LRMDA: variants seen among roughly 807,000 people sequenced by gnomAD.
LRMDA encodes the protein leucine-rich melanocyte differentiation-associated protein.
LRMDA carries 18 observed loss-of-function variants against 29.8 expected under a neutral mutation model. The ratio of observed to expected loss-of-function variants is 0.60; its 90% CI spans 0.42 to 0.90. The LOEUF is 0.90. Ranked by LOEUF, LRMDA falls within the 40% of genes least tolerant of loss-of-function variation. The probability of loss-of-function intolerance (pLI) is 0.00; values close to 1 mark genes in which losing one functional copy is unlikely to be tolerated. For missense variants in LRMDA, 273 were observed against 273.9 expected (o/e 1.00, Z 0.02); for synonymous variants, 125 against 109.4 (o/e 1.14, Z -0.89).
chr10:75,576,031 C>T (rs1296178365), intron 2 of LRMDA, among the ~76,000 whole-genome samples: 1 of 151,954 alleles, frequency 6.6e-6, no homozygotes, highest in Non-Finnish European at 1.5e-5. Flanking sequence ...CATTCACTCC[C>T]CTGAAAAGTG....
intron 2 of LRMDA, among the ~76,000 whole-genome samples, chr10:75,923,252 A>G (rs543423703): frequency 6.6e-6 from 1 of 152,360 alleles, no homozygotes; most frequent in South Asian, 2.1e-4. Context: ...ATAACATTGA[A>G]GAGGGTATAG....
intron 6 of LRMDA, chr10:76,403,495 G>A (rs762869908): frequency 6.6e-6 from 1 of 152,022 alleles, no homozygotes; most frequent in Non-Finnish European, 1.5e-5. Flanking sequence ...CAGGGCCAGT[G>A]GTGCATGGCT....
At chr10:75,860,275 G>T (rs1385452683) in intron 2 of LRMDA, among the ~76,000 whole-genome samples, 1 of 142,432 alleles carries the variant, frequency 7.0e-6, no homozygotes, top group Admixed American at 7.1e-5. Flanking sequence ...CTCGATTCCT[G>T]TGTTCTTGGA....
intron 5 of LRMDA, among the ~76,000 whole-genome samples, chr10:76,221,966 G>A (rs201974121): frequency 0.2 from 29,641 of 149,000 alleles, 3,360 homozygotes; most frequent in East Asian, 0.56. Flanking sequence ...ATAACGCCAC[G>A]TATCTACAAC....
At chr10:75,440,285 T>C (rs1000557602) in intron 2 of LRMDA, among the ~76,000 whole-genome samples, 4 of 149,816 alleles carry the variant, frequency 2.7e-5, no homozygotes, top group Non-Finnish European at 5.9e-5. Context: ...GGGAGAGCAC[T>C]GAAGATTTGT....
intron 5 of LRMDA, among the ~76,000 whole-genome samples, chr10:76,293,638 G>A (rs1564714002): frequency 6.6e-6 from 1 of 152,188 alleles, no homozygotes; most frequent in East Asian, 1.9e-4. Flanking sequence ...ATAACTATGA[G>A]GAGTTAGGGG....
chr10:75,976,203 A>C (rs1016149585), intron 2 of LRMDA, among the ~76,000 whole-genome samples: 3 of 152,266 alleles, frequency 2.0e-5, no homozygotes, highest in African/African-American at 7.2e-5. Context: ...TGTACATGCC[A>C]GGCCCCTTGG....
chr10:76,078,975 C>A (rs59426100), intron 5 of LRMDA, among the ~76,000 whole-genome samples: 3 of 152,184 alleles, frequency 2.0e-5, no homozygotes, highest in Admixed American at 2.0e-4. Flanking sequence ...ATTCATCCAT[C>A]TTATATTTAC....
chr10:76,130,652 C>T (rs1322923700), intron 5 of LRMDA, among the ~76,000 whole-genome samples: 1 of 152,110 alleles, frequency 6.6e-6, no homozygotes, highest in African/African-American at 2.4e-5. Flanking sequence ...TGTGTCTACC[C>T]AGCTTAGCCT....
intron 2 of LRMDA, among the ~76,000 whole-genome samples, chr10:75,636,519 G>A (rs1023314500): frequency 6.6e-6 from 1 of 152,060 alleles, no homozygotes; most frequent in Non-Finnish European, 1.5e-5. Flanking sequence ...TGGGCAACAG[G>A]ATTATAGGTG....
At chr10:76,176,513 G>A (rs779160200) in intron 5 of LRMDA, among the ~76,000 whole-genome samples, 4 of 152,232 alleles carry the variant, frequency 2.6e-5, no homozygotes, top group Non-Finnish European at 5.9e-5. Context: ...TAAATTGCCG[G>A]CTGGGCGCGG....
chr10:75,504,565 C>T (rs890127127), intron 2 of LRMDA, among the ~76,000 whole-genome samples: 1 of 152,050 alleles, frequency 6.6e-6, no homozygotes, highest in African/African-American at 2.4e-5. Context: ...CATGTAATAA[C>T]GTCTGTAGTA....
At chr10:76,197,180 A>G (rs1042614354) in intron 5 of LRMDA, among the ~76,000 whole-genome samples, 1 of 152,210 alleles carries the variant, frequency 6.6e-6, no homozygotes, top group Non-Finnish European at 1.5e-5. Context: ...ATGCTTTCAT[A>G]TCAACATAGT....
chr10:76,137,663 A>G (rs1024141978), intron 5 of LRMDA, among the ~76,000 whole-genome samples: 9 of 152,154 alleles, frequency 5.9e-5, no homozygotes, highest in African/African-American at 2.2e-4. Flanking sequence ...TGCTATAGCC[A>G]GATGTCACAA....
At chr10:75,742,775 A>G (rs529882517) in intron 2 of LRMDA, 4 of 152,190 alleles carry the variant, frequency 2.6e-5, no homozygotes, top group Non-Finnish European at 5.9e-5. Context: ...AAGGATACCA[A>G]TGGTCAGGGA....
At chr10:75,986,969 C>T (rs936924534) in intron 2 of LRMDA, among the ~76,000 whole-genome samples, 1 of 152,138 alleles carries the variant, frequency 6.6e-6, no homozygotes, top group African/African-American at 2.4e-5. Context: ...TGAAGAAATG[C>T]TTTTTCCCTC....
intron 6 of LRMDA, among the ~76,000 whole-genome samples, chr10:76,505,839 T>A (rs1328339016): frequency 6.6e-6 from 1 of 152,128 alleles, no homozygotes; most frequent in Non-Finnish European, 1.5e-5. Flanking sequence ...CACTCTGACT[T>A]TTTGAATTCT....
chr10:76,241,951 A>G (rs1039347070), intron 5 of LRMDA: 7 of 152,226 alleles, frequency 4.6e-5, no homozygotes, highest in African/African-American at 1.4e-4. Context: ...AATACTTGGC[A>G]TAGTTTTGGC....
At chr10:75,712,360 GA>G (rs1842445771) in intron 2 of LRMDA, among the ~76,000 whole-genome samples, 1 of 141,316 alleles carries the variant, frequency 7.1e-6, no homozygotes, top group Non-Finnish European at 1.5e-5. Flanking sequence ...CTGTGCAATA[GA>G]AAACGACACG....
Sources: allele counts gnomAD v4.1 joint callset (sites outside exome capture counted in the v4.1 genomes callset), GRCh38; gene constraint gnomAD v4.1.1; transcripts MANE v1.5; gene names NCBI Gene and HGNC (gene_info 2026-07-23, HGNC 2026-07-21).